The following KATNAL1 variants were observed in gnomAD, a reference collection of about 807,000 sequenced individuals.
KATNAL1 encodes the protein katanin p60 ATPase-containing subunit A-like 1.
Under a neutral mutation model 55.2 loss-of-function variants are expected in KATNAL1, and 32 were observed. The observed-to-expected ratio is 0.58, with a 90% CI of 0.44 to 0.78. The LOEUF (loss-of-function observed/expected upper bound fraction) is 0.78. Among genes scored for constraint, KATNAL1 ranks in the 30% least tolerant of loss-of-function variants. The pLI, the probability that KATNAL1 is intolerant of heterozygous loss-of-function variation, is 0.00. For synonymous variants in KATNAL1, 193 were observed against 193.6 expected, an observed-to-expected ratio of 1.00 and a Z score of 0.02; for missense variants, 466 against 600.9, an observed-to-expected ratio of 0.78 and a Z score of 2.35.
At chr13:30,276,517 A>C (rs1197373196) in intron 3 of KATNAL1, among the ~76,000 whole-genome samples, 1 of 76,850 alleles carries the variant, frequency 1.3e-5, no homozygotes, top group South Asian at 4.0e-4. Flanking sequence ...GAGAGATGGC[A>C]AAAAAAAAAA....
Position 30,207,870 on chromosome 13 carries a change from C to CA in KATNAL1, c.*669dup, listed in dbSNP as rs1032638073. 2 of 152,000 alleles carry CA rather than the reference C, an allele frequency of 1.3e-5. No homozygotes were observed. Among genetic ancestry groups the CA allele is most frequent in the Non-Finnish European group, 1.5e-5 (1 of 67,994 alleles). 9.4% of individuals were successfully genotyped at this position (152,000 alleles called of 1,614,324 possible). A position where few individuals can be genotyped will look rare whatever the true frequency, so the allele number is the denominator to read the frequency against. ...CCATATTAAATGTAAGAAGCACCAG[C>CA]AAAAAATACTAAAGACAGAGAAATG... On this transcript the variant is annotated 3_prime_UTR_variant, in exon 11 of 11. Coordinates refer to ENST00000380615, the MANE Select transcript of KATNAL1 (RefSeq NM_032116.5).
intron 9 of KATNAL1, among the ~76,000 whole-genome samples, chr13:30,211,186 T>G (rs567597675): frequency 1.3e-5 from 2 of 152,332 alleles, no homozygotes; most frequent in African/African-American, 4.8e-5. Flanking sequence ...AAATTTAATT[T>G]TCTTCTACTT....
intron 6 of KATNAL1, among the ~76,000 whole-genome samples, chr13:30,238,259 A>T (rs1455438744): frequency 1.3e-5 from 2 of 152,200 alleles, no homozygotes; most frequent in Non-Finnish European, 2.9e-5. Context: ...CTAAGGCCTC[A>T]TTAATTCATT....
intron 9 of KATNAL1, among the ~76,000 whole-genome samples, chr13:30,214,548 C>A (rs999054757): frequency 3.2e-4 from 49 of 152,254 alleles, no homozygotes; most frequent in Non-Finnish European, 6.3e-4. Context: ...GTAACCAAAA[C>A]AGCATGGTAC....
intron 9 of KATNAL1, among the ~76,000 whole-genome samples, chr13:30,212,196 T>C (rs922904406): frequency 1.3e-5 from 2 of 152,182 alleles, no homozygotes. Flanking sequence ...ATTGATAAAC[T>C]GACCACATTA....
chr13:30,205,628 G>GTGTA lies in KATNAL1; in HGVS notation c.*2908_*2911dup, dbSNP rs1446039575. 1.2e-5 allele frequency: 1 copy of GTGTA among 84,552 alleles called. No individual in the cohort carries two copies. Among genetic ancestry groups the GTGTA allele is most frequent in the Admixed American group, 1.1e-4 (1 of 8,792 alleles). The allele number at this position is 84,552 out of a possible 1,614,324, so 5.2% of individuals were successfully genotyped here. ...AGACAGTCAGAGTGTGTGTGTGTGT[G>GTGTA]TGTATGTGAGTGTGAGTGTGTGTGT... On this transcript the variant is annotated 3_prime_UTR_variant, in exon 11 of 11. Transcript: ENST00000380615.
At chr13:30,272,813 C>T (rs1002756051) in intron 3 of KATNAL1, among the ~76,000 whole-genome samples, 1 of 152,184 alleles carries the variant, frequency 6.6e-6, no homozygotes, top group African/African-American at 2.4e-5. Flanking sequence ...CCAAATGGAA[C>T]GTCCTCCCAC....
intron 9 of KATNAL1, among the ~76,000 whole-genome samples, chr13:30,223,471 C>T (rs1050612128): frequency 3.1e-4 from 43 of 138,484 alleles, no homozygotes; most frequent in African/African-American, 1.1e-3. Flanking sequence ...AAAAAAACTG[C>T]ACCGTAAATA....
intron 9 of KATNAL1, among the ~76,000 whole-genome samples, chr13:30,214,378 C>T (rs1660467808): frequency 1.3e-5 from 2 of 152,200 alleles, no homozygotes; most frequent in Admixed American, 6.5e-5. Context: ...ATGCCATCCC[C>T]ATCAAGCTAC....
Position 30,307,529 on chromosome 13 carries a change from G to A in KATNAL1, c.-213C>T. 1 of 152,512 alleles carries A rather than the reference G, an allele frequency of 6.6e-6. No individual in the cohort carries two copies. Among genetic ancestry groups the A allele is most frequent in the Non-Finnish European group, 1.5e-5 (1 of 68,186 alleles). 9.4% of individuals were successfully genotyped at this position (152,512 alleles called of 1,614,324 possible). On this transcript the variant is annotated 5_prime_UTR_variant, in exon 1 of 11. Coordinates refer to ENST00000380615, the MANE Select transcript of KATNAL1 (RefSeq NM_032116.5). ...GAGGGAGCGCGGGGGCTGTGAGTCC[G>A]CTCTGGGGCGGAGCTTGGGACTCCC...
chr13:30,300,893 AC>A (rs1882811764), intron 1 of KATNAL1, among the ~76,000 whole-genome samples: 1 of 152,250 alleles, frequency 6.6e-6, no homozygotes, highest in Non-Finnish European at 1.5e-5. Flanking sequence ...ACAAAAAAAA[AC>A]TGTTCATAAA....
At chr13:30,290,675 T>C (rs961014623) in intron 1 of KATNAL1, among the ~76,000 whole-genome samples, 17 of 152,100 alleles carry the variant, frequency 1.1e-4, no homozygotes, top group South Asian at 8.3e-4. Context: ...CTTAAAAACA[T>C]AGATACAAAA....
intron 9 of KATNAL1, among the ~76,000 whole-genome samples, chr13:30,214,296 T>C (rs907217058): frequency 6.6e-6 from 1 of 152,152 alleles, no homozygotes; most frequent in Non-Finnish European, 1.5e-5. Flanking sequence ...TGGAAGAACA[T>C]TCCATGCTCA....
intron 1 of KATNAL1, among the ~76,000 whole-genome samples, chr13:30,301,538 C>T (rs557678013): frequency 1.4e-4 from 21 of 152,270 alleles, no homozygotes; most frequent in Non-Finnish European, 2.8e-4. Context: ...CACTACAAAA[C>T]AGTAACAGTT....
rs1180813956 is a variant in KATNAL1, at chr13:30,206,753, AG to A, written c.*1786del. Reference sequence around the variant, plus strand: ...TTTTAGTGACGGCTCCTAAAACTTCAGGGAAAAAAAAAGTGCATTTCTGACT... The same window carrying A: ...TTTTAGTGACGGCTCCTAAAACTTCAGGAAAAAAAAAGTGCATTTCTGACT... On this transcript the variant is annotated 3_prime_UTR_variant, in exon 11 of 11. Coordinates refer to ENST00000380615, the MANE Select transcript of KATNAL1 (RefSeq NM_032116.5). 1 of 152,252 alleles carries A rather than the reference AG, an allele frequency of 6.6e-6. No homozygotes were observed. The highest frequency in any genetic ancestry group is 1.9e-4 in the East Asian group (1 of 5,182). The allele number at this position is 152,252 out of a possible 1,614,324, so 9.4% of individuals were successfully genotyped here.
At chr13:30,265,323 T>C (rs1307314741) in intron 3 of KATNAL1, among the ~76,000 whole-genome samples, 1 of 151,880 alleles carries the variant, frequency 6.6e-6, no homozygotes, top group East Asian at 1.9e-4. Context: ...TGTATACATA[T>C]GTAACTAACC....
At position 30,283,729 on chromosome 13, in the gene KATNAL1, C is replaced by T. The variant is rs2137539077; in HGVS notation, c.49G>A (p.Ala17Thr). 1 of 1,613,604 alleles carries T rather than the reference C, an allele frequency of 6.2e-7. No individual in the cohort carries two copies. Among genetic ancestry groups the T allele is most frequent in the Non-Finnish European group, 8.5e-7 (1 of 1,179,626 alleles). The change falls in exon 2 of 11, where the codon GCC (alanine) becomes ACC (threonine). Residue 17 changes from alanine to threonine, a missense_variant. Around this residue, in one of 3 missense-constraint regions of KATNAL1, gnomAD observed 248 missense variants for 275.5 expected, o/e 0.90. Transcript: ENST00000380615. ...CDNAKKGREY[A>T]LLGNYDSSMV... ...GATGAGTCGTAATTTCCAAGAAGGGCATATTCTCTTCCTTTCTTTGCATTA... is the reference window on the plus strand; with the variant it reads ...GATGAGTCGTAATTTCCAAGAAGGGTATATTCTCTTCCTTTCTTTGCATTA...
chr13:30,223,431 G>A (rs1241836080), intron 9 of KATNAL1, among the ~76,000 whole-genome samples: 2 of 93,558 alleles, frequency 2.1e-5, no homozygotes, highest in South Asian at 9.8e-4. Flanking sequence ...GACAGAGCGA[G>A]ACTCCATCTC....
chr13:30,260,007 A>G (rs1482547695), intron 3 of KATNAL1, among the ~76,000 whole-genome samples: 1 of 152,224 alleles, frequency 6.6e-6, no homozygotes, highest in Non-Finnish European at 1.5e-5. Context: ...TGGTTCTCCC[A>G]GCACGCAGCT....
Sources: allele counts gnomAD v4.1 joint callset (sites outside exome capture counted in the v4.1 genomes callset), GRCh38; gene constraint gnomAD v4.1.1; regional missense constraint gnomAD v4.1.1; transcripts MANE v1.5; gene names NCBI Gene and HGNC (gene_info 2026-07-23, HGNC 2026-07-21).